Variants in LRRC37A3 observed in about 807,000 individuals in gnomAD.
The protein encoded by LRRC37A3 is leucine rich repeat containing 37 member A3, also known as leucine-rich repeat-containing protein 37A3.
LRRC37A3 carries 25 observed loss-of-function variants against 106.2 expected under a neutral mutation model. The ratio of observed to expected loss-of-function variants is 0.24; its 90% CI spans 0.17 to 0.33. The LOEUF is 0.33. Among genes scored for constraint, LRRC37A3 ranks in the 10% least tolerant of loss-of-function variants. The pLI is 1.00. For synonymous variants in LRRC37A3, 305 were observed against 635.8 expected (o/e 0.48, Z 7.83); for missense variants, 712 against 1,644.9 (o/e 0.43, Z 9.81).
intron 10 of LRRC37A3, among the ~76,000 whole-genome samples, chr17:64,864,634 A>G (rs1322173451): frequency 6.6e-6 from 1 of 151,900 alleles, no homozygotes; most frequent in Non-Finnish European, 1.5e-5. Flanking sequence ...TACAGATTCC[A>G]TAGCCAGACT....
chr17:64,896,789 G>C lies in LRRC37A3; in HGVS notation c.469C>G (p.Arg157Gly). ...PKKLKKDPAQ[R>G]WSLAEIIGII... ...CCAATAATCTCAGCAAGGCTCCAAC[G>C]CTGAGCTGGATCTTTCTTCAGCTTC... The change falls in exon 4 of 15, where the codon CGT becomes GGT. Residue 157 changes from arginine (R) to glycine (G), a missense_variant. Transcript: ENST00000584306. 9.9e-6 allele frequency: 16 copies of C among 1,608,930 alleles called. No homozygotes were observed. The highest frequency in any genetic ancestry group is 1.4e-5 in the Non-Finnish European group (16 of 1,179,942).
intron 5 of LRRC37A3, among the ~76,000 whole-genome samples, chr17:64,891,127 CAGTT>C (rs1438681626): frequency 8.5e-6 from 1 of 117,740 alleles, no homozygotes; most frequent in Non-Finnish European, 1.6e-5. Context: ...TGAAAAATGT[CAGTT>C]ACTTTGAATG....
At chr17:64,865,242 C>T (rs1465323811) in intron 10 of LRRC37A3, among the ~76,000 whole-genome samples, 1 of 152,212 alleles carries the variant, frequency 6.6e-6, no homozygotes, top group African/African-American at 2.4e-5. Context: ...CTCCTGTGCT[C>T]AAGTGATCCT....
At chr17:64,873,316 T>C (rs1330533853) in intron 8 of LRRC37A3, among the ~76,000 whole-genome samples, 1 of 150,300 alleles carries the variant, frequency 6.7e-6, no homozygotes. Context: ...ATGTTAGACT[T>C]ACTAGACAAA....
chr17:64,857,408 C>A (rs1053010643), intron 13 of LRRC37A3, among the ~76,000 whole-genome samples: 1 of 152,180 alleles, frequency 6.6e-6, no homozygotes, highest in African/African-American at 2.4e-5. Context: ...TGAGATAGCA[C>A]GTTCCTAGAA....
intron 14 of LRRC37A3, 50 bp from the exon 15 acceptor site, chr17:64,854,694 T>G: frequency 6.2e-7 from 1 of 1,612,338 alleles, no homozygotes; most frequent in South Asian, 1.1e-5. Context: ...AAGGAGCAAT[T>G]AAGCTTCTCA....
intron 2 of LRRC37A3, among the ~76,000 whole-genome samples, chr17:64,915,888 A>C (rs924378204): frequency 6.6e-6 from 1 of 151,830 alleles, no homozygotes; most frequent in Non-Finnish European, 1.5e-5. Context: ...GCTTGAGCTC[A>C]GGAGTTCAAG....
chr17:64,882,923 C>T (rs1337691783), intron 8 of LRRC37A3, among the ~76,000 whole-genome samples: 1 of 149,600 alleles, frequency 6.7e-6, no homozygotes, highest in Admixed American at 6.7e-5. Flanking sequence ...TTGTTAGAAC[C>T]AATGAAGTGA....
intron 12 of LRRC37A3, 151 bp downstream of exon 12, chr17:64,859,291 A>G: frequency 1.1e-6 from 1 of 909,752 alleles, no homozygotes; most frequent in South Asian, 1.6e-5. Context: ...CACTCTCTAC[A>G]TGAGCAAAGT....
intron 14 of LRRC37A3, 123 bp downstream of exon 14, chr17:64,855,717 G>A (rs1372496063): frequency 4.8e-5 from 72 of 1,497,218 alleles, no homozygotes; most frequent in South Asian, 1.2e-4. Context: ...CAGGAGAATC[G>A]CTTGAACCTG....
rs905076887 is a variant in LRRC37A3, at chr17:64,858,589, C to T, written c.4809+190G>A. On this transcript the variant is annotated intron_variant, in intron 13 of 14. Coordinates refer to ENST00000584306, the MANE Select transcript of LRRC37A3 (RefSeq NM_199340.5). ...GTTTCAATTCACAGAGATCTGGAAGCGAGGATCCTTTAAAAATCCTGAAAT... is the reference window on the plus strand; with the variant it reads ...GTTTCAATTCACAGAGATCTGGAAGTGAGGATCCTTTAAAAATCCTGAAAT... Among the ~76,000 whole-genome samples, 6 of 152,136 alleles carry T rather than the reference C, an allele frequency of 3.9e-5. 1 individual carries two copies. The highest frequency in any genetic ancestry group is 4.1e-4 in the South Asian group (2 of 4,828).
At chr17:64,888,204 T>G (rs1973880299) in intron 6 of LRRC37A3, among the ~76,000 whole-genome samples, 1 of 130,294 alleles carries the variant, frequency 7.7e-6, no homozygotes, top group Admixed American at 7.8e-5. Flanking sequence ...CCCATTTTCC[T>G]TTTGCAAGTT....
chr17:64,915,559 T>C (rs1974685003), intron 2 of LRRC37A3, among the ~76,000 whole-genome samples: 1 of 152,230 alleles, frequency 6.6e-6, no homozygotes, highest in African/African-American at 2.4e-5. Flanking sequence ...ATATTTACTA[T>C]CTGACCTTTT....
chr17:64,863,409 T>C (rs1972944280), intron 10 of LRRC37A3: 1 of 230,462 alleles, frequency 4.3e-6, no homozygotes, highest in East Asian at 1.2e-4. Flanking sequence ...GAGTGGGAAA[T>C]ATTATAAATT....
intron 8 of LRRC37A3, chr17:64,871,589 C>T (rs1380046166): frequency 6.6e-6 from 1 of 152,024 alleles, no homozygotes. Context: ...TTGACCTGCT[C>T]TAGTCCTGAA....
chr17:64,865,557 T>A (rs1973039135), intron 10 of LRRC37A3, among the ~76,000 whole-genome samples: 2 of 152,232 alleles, frequency 1.3e-5, no homozygotes, highest in South Asian at 4.1e-4. Context: ...ATAACTTTCA[T>A]CTGGAATCAA....
At chr17:64,864,974 T>C (rs917792455) in intron 10 of LRRC37A3, among the ~76,000 whole-genome samples, 1 of 152,188 alleles carries the variant, frequency 6.6e-6, no homozygotes, top group African/African-American at 2.4e-5. Flanking sequence ...AGATTAAAAC[T>C]GCATCCAATA....
chr17:64,861,814 G>A (rs1972882706), intron 11 of LRRC37A3, among the ~76,000 whole-genome samples: 1 of 152,122 alleles, frequency 6.6e-6, no homozygotes, highest in African/African-American at 2.4e-5. Flanking sequence ...TTTTGGATGG[G>A]GAATCATCCA....
intron 2 of LRRC37A3, among the ~76,000 whole-genome samples, chr17:64,915,263 G>C (rs1974679562): frequency 7.0e-6 from 1 of 143,586 alleles, no homozygotes; most frequent in Non-Finnish European, 1.5e-5. Flanking sequence ...TCTACCTTAA[G>C]GAAACAGTGA....
Sources: gnomAD v4.1 joint callset for allele counts (sites outside exome capture counted in the v4.1 genomes callset) on GRCh38, gnomAD v4.1.1 for gene constraint, MANE v1.5 for transcripts, NCBI Gene and HGNC (gene_info 2026-07-23, HGNC 2026-07-21) for gene names.